The following GTF2A1L variants were observed in gnomAD, a reference collection of about 807,000 sequenced individuals.
GTF2A1L encodes general transcription factor IIA subunit 1 like.
GTF2A1L carries 48 observed loss-of-function variants against 49.7 expected under a neutral mutation model. That is an observed-to-expected ratio of 0.97 (90% CI 0.77 to 1.23). GTF2A1L has a LOEUF of 1.23. Ranked by LOEUF, GTF2A1L falls within the 50% of genes most tolerant of loss-of-function variation. GTF2A1L has a pLI of 0.00. For missense variants in GTF2A1L, 736 were observed against 564.8 expected (o/e 1.30, Z -3.07); for synonymous variants, 246 against 193.5 (o/e 1.27, Z -2.25).
intron 3 of GTF2A1L, chr2:48,633,126 A>G: frequency 3.6e-6 from 1 of 275,864 alleles, no homozygotes; most frequent in Non-Finnish European, 7.4e-6. Context: ...TGTTTCCTGC[A>G]AGTGATGGTT....
rs1174183922 is a variant in GTF2A1L at position 48,654,859 on chromosome 2, A to G, written c.978+7817A>G. ...TACTGAAGGTTCACTCTGTTTCATT[A>G]ATTCATGTGACTATCTTTTTGCTAG... is the stretch of plus-strand genomic sequence containing the variant. On this transcript the variant is annotated intron_variant, in intron 6 of 8. Transcript: ENST00000403751. Among the ~76,000 whole-genome samples, 4 of 152,178 alleles carry G rather than the reference A, an allele frequency of 2.6e-5. No homozygotes were observed. In the East Asian group the frequency reaches 7.7e-4, roughly 29 times the overall value.
At chr2:48,670,515 G>A (rs1051436392) in intron 7 of GTF2A1L, among the ~76,000 whole-genome samples, 3 of 152,160 alleles carry the variant, frequency 2.0e-5, no homozygotes, top group Non-Finnish European at 2.9e-5. Flanking sequence ...CTAGGCAATG[G>A]GAGTGGCTGT....
In GTF2A1L at chr2:48,669,653, T is replaced by A. The variant is rs1679057020; in HGVS notation, c.979-69T>A. ...CCATTTGTGGAATGTTTGTTAATTT[T>A]AAATTTGGATTCAATATTTTATATA... is the stretch of plus-strand genomic sequence containing the variant. On this transcript the variant is annotated intron_variant, in intron 6 of 8. Transcript: ENST00000403751. 3.4e-5 allele frequency: 51 copies of A among 1,508,212 alleles called. No homozygotes were observed. In the South Asian group the frequency reaches 6.4e-4, roughly 19 times the overall value. The allele number at this position is 1,508,212 out of a possible 1,614,324, so 93.4% of individuals were successfully genotyped here.
At chr2:48,620,064 C>G (rs1005876734) in intron 1 of GTF2A1L, among the ~76,000 whole-genome samples, 9 of 151,958 alleles carry the variant, frequency 5.9e-5, no homozygotes, top group African/African-American at 1.9e-4. Flanking sequence ...AAGTGTTTAC[C>G]CCAGTTTTCT....
intron 8 of GTF2A1L, among the ~76,000 whole-genome samples, chr2:48,673,766 T>C (rs1314734399): frequency 1.3e-5 from 2 of 152,116 alleles, no homozygotes; most frequent in Non-Finnish European, 2.9e-5. Flanking sequence ...GACAATAAAC[T>C]GGAGGAAACG....
At chr2:48,658,182 G>T (rs1678284998) in intron 6 of GTF2A1L, among the ~76,000 whole-genome samples, 1 of 152,060 alleles carries the variant, frequency 6.6e-6, no homozygotes, top group Non-Finnish European at 1.5e-5. Flanking sequence ...TCCCAAGGCT[G>T]ATGTCCAGAA....
chr2:48,627,813 A>G lies in GTF2A1L; in HGVS notation c.247+6523A>G, dbSNP rs1676367684. ...ATTCTGAGGTTTGGGGTACAAATGC[A>G]TAGTACCCCCAGGTACTGAGCATAG... On this transcript the variant is annotated intron_variant, in intron 3 of 8. Coordinates refer to ENST00000403751, the MANE Select transcript of GTF2A1L (RefSeq NM_006872.5). Among the ~76,000 whole-genome samples the G allele has an allele frequency of 1.4e-5, 2 of 143,408 alleles. 1 individual carries two copies. 94.1% of individuals were successfully genotyped at this position (143,408 alleles called of 152,430 possible). A position where few individuals can be genotyped will look rare whatever the true frequency, so the allele number is the denominator to read the frequency against.
intron 3 of GTF2A1L, among the ~76,000 whole-genome samples, chr2:48,639,825 A>G (rs564376351): frequency 6.6e-6 from 1 of 152,352 alleles, no homozygotes; most frequent in South Asian, 2.1e-4. Context: ...TCCAGCATCT[A>G]TAAGGAACTT....
Position 48,646,534 on chromosome 2 carries a change from A to C in GTF2A1L, c.470A>C (p.Gln157Pro), listed in dbSNP as rs139159145. Residue 157 changes from glutamine (Q) to proline (P), a missense_variant, in exon 6 of 9, where the codon CAA becomes CCA. Coordinates refer to ENST00000403751, the MANE Select transcript of GTF2A1L (RefSeq NM_006872.5). ...RAGILQHPIQ[Q>P]VFQQLGQPSV... ...GGTATTCTTCAGCATCCAATTCAGCAAGTATTTCAACAGCTTGGCCAGCCT... is the reference window on the plus strand; with the variant it reads ...GGTATTCTTCAGCATCCAATTCAGCCAGTATTTCAACAGCTTGGCCAGCCT... 4.3e-6 allele frequency: 7 copies of C among 1,614,058 alleles called. No homozygotes were observed. In the African/African-American group the frequency reaches 8.0e-5, roughly 18 times the overall value.
intron 7 of GTF2A1L, 119 bp from the exon 8 acceptor site, chr2:48,671,472 G>A: frequency 9.9e-7 from 1 of 1,005,990 alleles, no homozygotes; most frequent in South Asian, 2.0e-5. Context: ...CCGTAGTGCT[G>A]GGATTATAGG....
chr2:48,665,762 C>T (rs904178688), intron 6 of GTF2A1L, among the ~76,000 whole-genome samples: 5 of 152,054 alleles, frequency 3.3e-5, no homozygotes, highest in Admixed American at 2.0e-4. Flanking sequence ...GATATGTGCT[C>T]TTGAAGCTAT....
intron 6 of GTF2A1L, among the ~76,000 whole-genome samples, chr2:48,652,089 C>G (rs1052684559): frequency 6.6e-6 from 1 of 152,072 alleles, no homozygotes; most frequent in African/African-American, 2.4e-5. Context: ...AACTCTTTTG[C>G]TGTTTTGAAA....
intron 3 of GTF2A1L, among the ~76,000 whole-genome samples, chr2:48,642,015 A>C (rs1030272814): frequency 6.6e-6 from 1 of 152,230 alleles, no homozygotes; most frequent in Admixed American, 6.5e-5. Flanking sequence ...TATACAATTT[A>C]GAATGGGTTT....
chr2:48,625,293 A>G (rs1050826742), intron 3 of GTF2A1L, among the ~76,000 whole-genome samples: 1 of 143,628 alleles, frequency 7.0e-6, no homozygotes, highest in Non-Finnish European at 1.6e-5. Context: ...GTTTTGACTT[A>G]TATTCCTCTG....
intron 6 of GTF2A1L, among the ~76,000 whole-genome samples, chr2:48,659,614 C>G (rs1007474518): frequency 6.6e-6 from 1 of 151,984 alleles, no homozygotes; most frequent in African/African-American, 2.4e-5. Flanking sequence ...CTTGGGGTGT[C>G]TTTCCATTGA....
rs560981482 is a variant in GTF2A1L at position 48,654,894 on chromosome 2, G to C, written c.978+7852G>C. On this transcript the variant is annotated intron_variant, in intron 6 of 8. Transcript: ENST00000403751. ...ACTATCTTTTTGCTAGGACCACACT[G>C]TCTTGATTATGGTAAATTTATAGTA... 4.6e-5 allele frequency among the ~76,000 whole-genome samples: 7 copies of C among 152,288 alleles called. No homozygotes were observed. The East Asian group carries it at 1.3e-3, about 29-fold the overall frequency.
At chr2:48,678,600 T>C (rs946083173) in intron 8 of GTF2A1L, among the ~76,000 whole-genome samples, 5 of 152,062 alleles carry the variant, frequency 3.3e-5, no homozygotes, top group Non-Finnish European at 7.4e-5. Flanking sequence ...TTATGGCTTG[T>C]TACCTCTTGA....
At chr2:48,634,808 T>C (rs1465810278) in intron 3 of GTF2A1L, among the ~76,000 whole-genome samples, 14 of 152,204 alleles carry the variant, frequency 9.2e-5, no homozygotes, top group African/African-American at 3.1e-4. Context: ...TCTGACCTTT[T>C]TCTCTAGCTG....
intron 4 of GTF2A1L, among the ~76,000 whole-genome samples, chr2:48,643,899 A>G (rs978753267): frequency 1.3e-5 from 2 of 151,928 alleles, no homozygotes. Context: ...GGGTTTCACC[A>G]TGTTGGCCAG....
Sources: gnomAD v4.1 joint callset for allele counts (sites outside exome capture counted in the v4.1 genomes callset) on GRCh38, gnomAD v4.1.1 for gene constraint, MANE v1.5 for transcripts, NCBI Gene and HGNC (gene_info 2026-07-23, HGNC 2026-07-21) for gene names.